RHBDD1: variants seen among roughly 807,000 people sequenced by gnomAD.
RHBDD1 encodes rhomboid-related protein 4.
In RHBDD1, 38 loss-of-function variants were observed where a neutral mutation model predicts 36.3. The ratio of observed to expected loss-of-function variants is 1.05; its 90% CI spans 0.81 to 1.37. The LOEUF is 1.37. RHBDD1 is among the 40% of genes most tolerant of loss of function. The pLI is 0.00. For synonymous variants in RHBDD1, 151 were observed against 136.5 expected (o/e 1.11, Z -0.74); for missense variants, 393 against 377.6 (o/e 1.04, Z -0.34).
At chr2:226,875,394 A>C (rs1339368169) in intron 5 of RHBDD1, among the ~76,000 whole-genome samples, 2 of 152,222 alleles carry the variant, frequency 1.3e-5, no homozygotes, top group African/African-American at 4.8e-5. Flanking sequence ...ACAATTCTGA[A>C]TTAAATCTTT....
chr2:226,900,969 T>C (rs1271969721), intron 5 of RHBDD1, among the ~76,000 whole-genome samples: 1 of 152,208 alleles, frequency 6.6e-6, no homozygotes, highest in Non-Finnish European at 1.5e-5. Context: ...GTATATTAGC[T>C]CTCTTACTTA....
intron 8 of RHBDD1, among the ~76,000 whole-genome samples, chr2:226,985,934 A>G (rs752172266): frequency 6.6e-6 from 1 of 152,258 alleles, no homozygotes; most frequent in East Asian, 1.9e-4. Flanking sequence ...ACTCATTTTA[A>G]AAAGAAAAAG....
chr2:226,879,072 C>CA (rs916415771), intron 5 of RHBDD1, among the ~76,000 whole-genome samples: 28,493 of 83,606 alleles, frequency 0.34, 4,496 homozygotes, highest in African/African-American at 0.5. Context: ...ACTGGCATTC[C>CA]AAAAAAAAAA....
At chr2:226,981,014 G>T (rs1225724616) in intron 8 of RHBDD1, among the ~76,000 whole-genome samples, 1 of 152,142 alleles carries the variant, frequency 6.6e-6, no homozygotes, top group East Asian at 1.9e-4. Context: ...CCATTTCAAG[G>T]GTGTAAAACC....
At chr2:226,876,460 C>T (rs898694945) in intron 5 of RHBDD1, among the ~76,000 whole-genome samples, 2 of 152,160 alleles carry the variant, frequency 1.3e-5, no homozygotes, top group Non-Finnish European at 2.9e-5. Flanking sequence ...AAGCTCTTTA[C>T]GTATATTATC....
At chr2:226,927,317 G>A (rs1336975578) in intron 8 of RHBDD1, among the ~76,000 whole-genome samples, 1 of 150,186 alleles carries the variant, frequency 6.7e-6, no homozygotes, top group Admixed American at 6.7e-5. Context: ...ATACTCTAGT[G>A]TATAGATATA....
At chr2:226,990,926 T>C (rs1260940403) in intron 8 of RHBDD1, among the ~76,000 whole-genome samples, 1 of 152,184 alleles carries the variant, frequency 6.6e-6, no homozygotes, top group African/African-American at 2.4e-5. Context: ...CACCCAGGCC[T>C]GTAAATGTCC....
At chr2:226,961,716 G>T (rs1467221839) in intron 8 of RHBDD1, among the ~76,000 whole-genome samples, 1 of 152,146 alleles carries the variant, frequency 6.6e-6, no homozygotes, top group African/African-American at 2.4e-5. Flanking sequence ...TCAGTTGTCT[G>T]TGTTTCCACC....
intron 3 of RHBDD1, among the ~76,000 whole-genome samples, chr2:226,862,170 A>C (rs1247432998): frequency 2.0e-5 from 3 of 152,204 alleles, no homozygotes; most frequent in Non-Finnish European, 4.4e-5. Flanking sequence ...TTCTCACATA[A>C]GTAAGTTTAC....
At chr2:226,972,238 T>A (rs1231249085) in intron 8 of RHBDD1, among the ~76,000 whole-genome samples, 3 of 152,200 alleles carry the variant, frequency 2.0e-5, no homozygotes, top group African/African-American at 4.8e-5. Flanking sequence ...TTCATCCATG[T>A]CCCTGCAAAG....
At chr2:226,823,493 T>C in the RHBDD1 span, among the ~76,000 whole-genome samples, 8 of 152,302 alleles carry the variant, frequency 5.3e-5, no homozygotes, top group African/African-American at 1.2e-4. Context: ...TTAAAATGGA[T>C]AAAATGGTGC....
intron 5 of RHBDD1, among the ~76,000 whole-genome samples, chr2:226,881,902 C>G (rs954682091): frequency 6.6e-6 from 1 of 152,154 alleles, no homozygotes; most frequent in Non-Finnish European, 1.5e-5. Context: ...GTGTCCTTTA[C>G]ATATTTTCAG....
chr2:226,869,462 A>G (rs779365754), intron 5 of RHBDD1, among the ~76,000 whole-genome samples: 4 of 152,160 alleles, frequency 2.6e-5, no homozygotes, highest in Admixed American at 1.3e-4. Context: ...TATTTGCTTG[A>G]TGGTTGTCAA....
the RHBDD1 span, among the ~76,000 whole-genome samples, chr2:226,829,747 G>C: frequency 1.3e-5 from 2 of 151,588 alleles, no homozygotes; most frequent in African/African-American, 4.8e-5. Context: ...ATCTGTGTGC[G>C]TGTGTATGTA....
chr2:226,851,666 C>T (rs1942829091), intron 3 of RHBDD1, among the ~76,000 whole-genome samples: 1 of 152,204 alleles, frequency 6.6e-6, no homozygotes, highest in Non-Finnish European at 1.5e-5. Flanking sequence ...TGGCAAAAGT[C>T]TCTAGTCCCT....
chr2:226,819,794 T>G, the RHBDD1 span, among the ~76,000 whole-genome samples: 1 of 152,196 alleles, frequency 6.6e-6, no homozygotes, highest in Non-Finnish European at 1.5e-5. Flanking sequence ...CCTTGAAAAT[T>G]GAACATGCTA....
intron 5 of RHBDD1, among the ~76,000 whole-genome samples, chr2:226,875,681 T>A (rs1020939523): frequency 4.6e-5 from 7 of 152,098 alleles, no homozygotes; most frequent in Non-Finnish European, 1.0e-4. Context: ...GGGCAGATGA[T>A]GAGATAGACT....
intron 8 of RHBDD1, among the ~76,000 whole-genome samples, chr2:226,956,922 A>G (rs1165019133): frequency 6.6e-6 from 1 of 152,194 alleles, no homozygotes; most frequent in Non-Finnish European, 1.5e-5. Context: ...CTTCTAGCTT[A>G]TGTGTGTCCT....
chr2:226,911,541 CTTTTTTT>C (rs869309466), intron 7 of RHBDD1, among the ~76,000 whole-genome samples: 29 of 71,428 alleles, frequency 4.1e-4, no homozygotes, highest in South Asian at 9.5e-4. Context: ...TGTGAAAGTT[CTTTTTTT>C]TTTTTTTTTT....
Sources: gnomAD v4.1 joint callset for allele counts (sites outside exome capture counted in the v4.1 genomes callset) on GRCh38, gnomAD v4.1.1 for gene constraint, MANE v1.5 for transcripts, NCBI Gene and HGNC (gene_info 2026-07-23, HGNC 2026-07-21) for gene names.